Variants in GEMIN5 observed in about 807,000 individuals in gnomAD.
GEMIN5 encodes the protein gem nuclear organelle associated protein 5.
A neutral mutation model predicts 176.9 loss-of-function variants in GEMIN5; 124 were observed. The observed-to-expected ratio is 0.70, with a 90% CI of 0.61 to 0.81. The LOEUF (loss-of-function observed/expected upper bound fraction) is 0.81, where lower values mean the gene tolerates loss of function less well. Among genes scored for constraint, GEMIN5 ranks in the 40% least tolerant of loss-of-function variants. The pLI is 0.00. For missense variants in GEMIN5, 1,843 were observed against 1,814.6 expected, an observed-to-expected ratio of 1.02 and a Z score of -0.28; for synonymous variants, 673 against 665.2, an observed-to-expected ratio of 1.01 and a Z score of -0.18.
Position 154,913,003 on chromosome 5 carries a change from G to C in GEMIN5, c.1891C>G (p.Pro631Ala), listed in dbSNP as rs1404416537. ...SPESPVTITE[P>A]YRTLSGHTAK... The stretch of plus-strand genomic sequence containing the variant: ...GTATGCCCTGAGAGGGTCCGGTAGG[G>C]CTCTGTAATGGTCACTGGAGACTCA... The change falls in exon 14 of 28, where the codon CCC becomes GCC. Residue 631 changes from proline to alanine, a missense_variant. By Grantham distance (27) the Pro-to-Ala change is conservative. Transcript: ENST00000285873. The C allele has an allele frequency of 1.9e-6, 3 of 1,613,444 alleles. No homozygotes were observed. The highest frequency in any genetic ancestry group is 2.5e-6 in the Non-Finnish European group (3 of 1,179,560).
At chr5:154,935,035 TCTTGA>T (rs1764239789) in intron 3 of GEMIN5, among the ~76,000 whole-genome samples, 1 of 152,182 alleles carries the variant, frequency 6.6e-6, no homozygotes, top group South Asian at 2.1e-4. Flanking sequence ...TCCAATCCCC[TCTTGA>T]CTTTTCAGCA....
chr5:154,918,225 C>T (rs1488740992), intron 11 of GEMIN5, among the ~76,000 whole-genome samples: 2 of 152,158 alleles, frequency 1.3e-5, no homozygotes, highest in Non-Finnish European at 2.9e-5. Flanking sequence ...ACCCCCAAGG[C>T]CAATAAGTAC....
chr5:154,918,810 G>A (rs1351423308), intron 11 of GEMIN5, among the ~76,000 whole-genome samples: 2 of 152,212 alleles, frequency 1.3e-5, no homozygotes, highest in African/African-American at 2.4e-5. Flanking sequence ...GGGAGGCCAA[G>A]TGGGGTGGAT....
In GEMIN5 at chr5:154,926,497, A is replaced by T. The variant is rs968387352; in HGVS notation, c.1081-423T>A. Reference sequence around the variant, plus strand: ...CATACCCAGGGAAGGAGGAGTGGTAAATTTTTAATCATCACTTGTTTAAGA... The same window carrying T: ...CATACCCAGGGAAGGAGGAGTGGTATATTTTTAATCATCACTTGTTTAAGA... On this transcript the variant is annotated intron_variant, in intron 7 of 27. Transcript: ENST00000285873. Among the ~76,000 whole-genome samples, 17 of 152,340 alleles carry T rather than the reference A, an allele frequency of 1.1e-4. No individual in the cohort carries two copies. In the East Asian group the frequency reaches 3.1e-3, roughly 28 times the overall value.
chr5:154,897,356 T>C (rs915377679), intron 23 of GEMIN5, among the ~76,000 whole-genome samples: 5 of 152,384 alleles, frequency 3.3e-5, no homozygotes, highest in African/African-American at 1.2e-4. Context: ...AATGTTTACA[T>C]GTTTCAGAAA....
At position 154,937,014 on chromosome 5, in the gene GEMIN5, A is replaced by G. The variant is rs761314245; in HGVS notation, c.327+11T>C. The G allele has an allele frequency of 6.2e-7, 1 of 1,601,754 alleles. No homozygotes were observed. The highest frequency in any genetic ancestry group is 8.5e-7 in the Non-Finnish European group (1 of 1,171,496). On this transcript the variant is annotated intron_variant, in intron 2 of 27. Transcript: ENST00000285873. ...ATAAAAACGGTTTGAGAAACCAGTA[A>G]GCCATGGTACCTGATGGAGTGCATG...
intron 15 of GEMIN5, among the ~76,000 whole-genome samples, chr5:154,908,250 A>C (rs1175621498): frequency 7.6e-6 from 1 of 131,840 alleles, no homozygotes; most frequent in Admixed American, 1.0e-4. Context: ...GCGAGATCTC[A>C]GCTCACCGCA....
At chr5:154,918,549 C>T (rs348738) in intron 11 of GEMIN5, among the ~76,000 whole-genome samples, 146,086 of 152,214 alleles carry the variant, frequency 0.96, 70,162 homozygotes, top group South Asian at 0.99. Flanking sequence ...AGACTCCTAG[C>T]ATGAACCTCT....
At position 154,938,057 on chromosome 5, in the gene GEMIN5, C is replaced by T. The variant is rs747633133; in HGVS notation, c.77G>A (p.Gly26Asp). 1.3e-6 allele frequency: 2 copies of T among 1,532,652 alleles called. No individual in the cohort carries two copies. Among genetic ancestry groups the T allele is most frequent in the African/African-American group, 1.4e-5 (1 of 69,984 alleles). The allele number at this position is 1,532,652 out of a possible 1,614,324, so 94.9% of individuals were successfully genotyped here. A position where few individuals can be genotyped will look rare whatever the true frequency, so the allele number is the denominator to read the frequency against. Residue 26 changes from glycine to aspartate, a missense_variant, in exon 1 of 28, where the codon GGC becomes GAC. By Grantham distance (94) the Gly-to-Asp change is moderately conservative (BLOSUM62 -1). Coordinates refer to ENST00000285873, the MANE Select transcript of GEMIN5 (RefSeq NM_015465.5). ...CARCSDAVPG[G>D]LFGFAARTSV... ...GGTCCGCGCGGCGAAGCCAAAGAGG[C>T]CCCCGGGCACGGCATCGCTGCAGCG...
chr5:154,934,196 G>GT (rs1454620632), intron 3 of GEMIN5, among the ~76,000 whole-genome samples: 2 of 151,676 alleles, frequency 1.3e-5, no homozygotes, highest in African/African-American at 4.8e-5. Context: ...TTGTTTGTTT[G>GT]TTTTTTTGAG....
chr5:154,907,555 T>C (rs6580119), intron 16 of GEMIN5, 36 bp downstream of exon 16: 1,491,930 of 1,523,904 alleles, frequency 0.98, 730,599 homozygotes, highest in Middle Eastern at 0.99. Flanking sequence ...GACACGACCA[T>C]GAAATCCTAG....
chr5:154,911,621 A>G (rs1242615303), intron 15 of GEMIN5, 106 bp downstream of exon 15: 1 of 919,610 alleles, frequency 1.1e-6, no homozygotes, highest in African/African-American at 1.6e-5. Context: ...CCCCTGCCCT[A>G]CTGACACTAA....
At chr5:154,903,442 A>T (rs1463422006) in intron 18 of GEMIN5, among the ~76,000 whole-genome samples, 1 of 152,234 alleles carries the variant, frequency 6.6e-6, no homozygotes, top group Non-Finnish European at 1.5e-5. Context: ...CTTAATATTC[A>T]CTGGGACTTA....
At position 154,938,084 on chromosome 5, in the gene GEMIN5, G is replaced by A; in HGVS notation, c.50C>T (p.Ala17Val). 6.7e-7 allele frequency: 1 copy of A among 1,500,628 alleles called. No individual in the cohort carries two copies. The highest frequency in any genetic ancestry group is 8.9e-7 in the Non-Finnish European group (1 of 1,128,176). The allele number at this position is 1,500,628 out of a possible 1,614,324, so 93.0% of individuals were successfully genotyped here. ...TLPPSPNWYCARCSDAVPGGL... is the reference protein window; with the variant it reads ...TLPPSPNWYCVRCSDAVPGGL... ...CCCGGGCACGGCATCGCTGCAGCGG[G>A]CGCAGTACCAGTTGGGGGAGGGCGG... Residue 17 changes from alanine (A) to valine (V), a missense_variant, in exon 1 of 28, where the codon GCC becomes GTC. Ala to Val is a moderately conservative substitution (Grantham distance 64). Transcript: ENST00000285873.
At chr5:154,891,106 G>A (rs891297779) in intron 26 of GEMIN5, 135 bp downstream of exon 26, 2 of 502,416 alleles carry the variant, frequency 4.0e-6, no homozygotes, top group African/African-American at 4.5e-5. Context: ...TTTTTGCCCG[G>A]GCTGGTGGTG....
At chr5:154,925,331 T>C (rs970274683) in intron 8 of GEMIN5, among the ~76,000 whole-genome samples, 3 of 152,186 alleles carry the variant, frequency 2.0e-5, no homozygotes, top group Non-Finnish European at 4.4e-5. Flanking sequence ...AAAAAAATGT[T>C]TCCTTTCTCT....
At chr5:154,937,606 C>T (rs1455579438) in intron 1 of GEMIN5, among the ~76,000 whole-genome samples, 1 of 152,190 alleles carries the variant, frequency 6.6e-6, no homozygotes, top group Non-Finnish European at 1.5e-5. Flanking sequence ...CCACACGTTG[C>T]AGGATCTTGC....
intron 12 of GEMIN5, 35 bp from the exon 13 acceptor site, chr5:154,917,214 G>A: frequency 8.0e-7 from 1 of 1,245,168 alleles, no homozygotes; most frequent in East Asian, 2.7e-5. Context: ...AAGAAAGATG[G>A]ATGATCAAAT....
rs746676636 is a variant in GEMIN5 at position 154,917,926 on chromosome 5, C to G, written c.1673+5G>C. 6.3e-7 allele frequency: 1 copy of G among 1,586,796 alleles called. No homozygotes were observed. Among genetic ancestry groups the G allele is most frequent in the Non-Finnish European group, 8.7e-7 (1 of 1,155,328 alleles). On this transcript the variant is annotated splice_donor_5th_base_variant and intron_variant, in intron 12 of 27. Transcript: ENST00000285873. ...ATTTTTTATCTTAAAGAAGCAAATA[C>G]ATACCCATCTTCATTGCCAAGAGCC...
Sources: gnomAD v4.1 joint callset for allele counts (sites outside exome capture counted in the v4.1 genomes callset) on GRCh38, gnomAD v4.1.1 for gene constraint, MANE v1.5 for transcripts, NCBI Gene and HGNC (gene_info 2026-07-23, HGNC 2026-07-21) for gene names.